The following ASTN2 variants were observed in gnomAD, a reference collection of about 807,000 sequenced individuals.
ASTN2 encodes the protein astrotactin-2.
Under a neutral mutation model 139.8 loss-of-function variants are expected in ASTN2, and 54 were observed. The ratio of observed to expected loss-of-function variants is 0.39; its 90% CI spans 0.31 to 0.48. The LOEUF (loss-of-function observed/expected upper bound fraction) is 0.48, where lower values mean the gene tolerates loss of function less well. ASTN2 is among the 20% of genes least tolerant of loss of function. ASTN2 has a pLI of 0.95. For synonymous variants in ASTN2, 756 were observed against 719.5 expected (o/e 1.05, Z -0.81); for missense variants, 1,565 against 1,725.1 (o/e 0.91, Z 1.64).
intron 4 of ASTN2, among the ~76,000 whole-genome samples, chr9:117,113,944 A>G (rs1829312951): frequency 6.6e-6 from 1 of 152,166 alleles, no homozygotes; most frequent in African/African-American, 2.4e-5. Context: ...CATCTTTCAA[A>G]ACTCATTGAA....
intron 1 of ASTN2, among the ~76,000 whole-genome samples, chr9:117,358,619 C>T (rs745574050): frequency 6.6e-5 from 10 of 152,126 alleles, no homozygotes; most frequent in African/African-American, 1.9e-4. Context: ...AGATGGAGTG[C>T]GGAAATTATC....
intron 2 of ASTN2, among the ~76,000 whole-genome samples, chr9:117,236,278 C>A (rs1034984486): frequency 6.6e-6 from 1 of 152,190 alleles, no homozygotes; most frequent in African/African-American, 2.4e-5. Context: ...TTCTGAGGTG[C>A]TGCATGAATC....
At chr9:116,687,359 T>C (rs1269327545) in intron 16 of ASTN2, 11 of 608,034 alleles carry the variant, frequency 1.8e-5, no homozygotes, top group Non-Finnish European at 2.2e-5. Context: ...GGCGGTGGAC[T>C]CGTCGGAGCC....
chr9:116,519,696 G>A (rs143353016), intron 19 of ASTN2, among the ~76,000 whole-genome samples: 79 of 150,956 alleles, frequency 5.2e-4, no homozygotes, highest in African/African-American at 8.5e-4. Context: ...AAGAAAATAC[G>A]AAAGATAAAT....
At chr9:116,862,754 CT>C (rs1356789031) in intron 11 of ASTN2, among the ~76,000 whole-genome samples, 5 of 151,464 alleles carry the variant, frequency 3.3e-5, no homozygotes, top group Non-Finnish European at 7.4e-5. Context: ...TGAGTTTAGC[CT>C]ATGTGGCAAT....
rs915554196 is a variant in ASTN2, at chr9:116,423,452, T to G, written c.*2399A>C. Among the ~76,000 whole-genome samples, 4 of 152,052 alleles carry G rather than the reference T, an allele frequency of 2.6e-5. No individual in the cohort carries two copies. In the East Asian group the frequency reaches 7.7e-4, roughly 29 times the overall value. The stretch of plus-strand genomic sequence containing the variant: ...CAGATCACCACACCAGCACATTGAG[T>G]GCTGTAATTTTCTGCAACTGTTGAG... On this transcript the variant is annotated 3_prime_UTR_variant, in exon 23 of 23. Transcript: ENST00000313400.
intron 5 of ASTN2, among the ~76,000 whole-genome samples, chr9:117,072,466 CTAGT>C (rs1286337310): frequency 6.6e-6 from 1 of 152,084 alleles, no homozygotes; most frequent in Admixed American, 6.5e-5. Context: ...CAGTCTGGCA[CTAGT>C]TAGAGCTGAG....
intron 5 of ASTN2, among the ~76,000 whole-genome samples, chr9:117,065,757 T>A (rs1468054933): frequency 6.6e-6 from 1 of 152,196 alleles, no homozygotes; most frequent in African/African-American, 2.4e-5. Flanking sequence ...TGCCTATCTA[T>A]CAACCTTTCC....
rs1286980140 is a variant in ASTN2 at position 116,805,772 on chromosome 9, C to A, written c.2256G>T (p.Met752Ile). 1.9e-6 allele frequency: 3 copies of A among 1,613,760 alleles called. No homozygotes were observed. The highest frequency in any genetic ancestry group is 2.5e-6 in the Non-Finnish European group (3 of 1,179,830). ...KLAPDGKSCL[M>I]LSDVCEGPKC... is the part of the protein sequence containing the mutation. ...TGGGGCCCTCGCAGACATCTGAGAGCATTAAGCAGGATTTTCCATCAGGAG... is the reference window on the plus strand; with the variant it reads ...TGGGGCCCTCGCAGACATCTGAGAGAATTAAGCAGGATTTTCCATCAGGAG... The change falls in exon 13 of 23, where the codon ATG becomes ATT. Residue 752 changes from methionine (M) to isoleucine (I), a missense_variant. Met to Ile is a conservative substitution (Grantham distance 10). Coordinates refer to ENST00000313400, the MANE Select transcript of ASTN2 (RefSeq NM_001365068.1).
intron 16 of ASTN2, chr9:116,687,294 C>T: frequency 8.1e-6 from 8 of 987,268 alleles, no homozygotes; most frequent in Non-Finnish European, 9.6e-6. Context: ...AATTGGCGCC[C>T]GGCAAGGGGT....
At chr9:117,351,711 T>C (rs1489360688) in intron 1 of ASTN2, among the ~76,000 whole-genome samples, 1 of 151,940 alleles carries the variant, frequency 6.6e-6, no homozygotes, top group African/African-American at 2.4e-5. Context: ...AAAGGTTTTG[T>C]TGTAATAAAG....
chr9:117,300,828 T>C (rs1458944155), intron 1 of ASTN2, among the ~76,000 whole-genome samples: 4 of 152,118 alleles, frequency 2.6e-5, no homozygotes, highest in Non-Finnish European at 4.4e-5. Flanking sequence ...AGAATGGTAC[T>C]CTTCAAATAG....
intron 6 of ASTN2, among the ~76,000 whole-genome samples, chr9:117,018,969 G>C (rs1326672440): frequency 1.3e-5 from 2 of 152,076 alleles, no homozygotes; most frequent in African/African-American, 4.8e-5. Context: ...TTAGAATGCA[G>C]GCTACCTGAC....
At chr9:116,483,469 G>A (rs1228389154) in intron 20 of ASTN2, among the ~76,000 whole-genome samples, 2 of 151,976 alleles carry the variant, frequency 1.3e-5, no homozygotes, top group African/African-American at 2.4e-5. Context: ...GGTTGGAGTG[G>A]GGTCAGAGAG....
chr9:116,717,289 G>A lies in ASTN2; in HGVS notation c.2806+8482C>T, dbSNP rs1828337804. 4.2e-5 allele frequency among the ~76,000 whole-genome samples: 3 copies of A among 72,034 alleles called. No homozygotes were observed. The South Asian group carries it at 1.7e-3, about 41-fold the overall frequency. 47.3% of individuals were successfully genotyped at this position (72,034 alleles called of 152,430 possible). On this transcript the variant is annotated intron_variant, in intron 16 of 22. Coordinates refer to ENST00000313400, the MANE Select transcript of ASTN2 (RefSeq NM_001365068.1). ...TCCAGATGGACTCAATCTAAACCGG[G>A]GAACAAATGCTTTTTTTTGGTAATT...
At chr9:117,137,178 C>T (rs1829971918) in intron 4 of ASTN2, among the ~76,000 whole-genome samples, 1 of 152,200 alleles carries the variant, frequency 6.6e-6, no homozygotes, top group South Asian at 2.1e-4. Context: ...TATCCTTCCT[C>T]TGTCTGGCTA....
At chr9:117,131,833 G>A (rs1829834555) in intron 4 of ASTN2, among the ~76,000 whole-genome samples, 1 of 152,148 alleles carries the variant, frequency 6.6e-6, no homozygotes, top group African/African-American at 2.4e-5. Context: ...TTCAGTCTCT[G>A]TAAAATGTGT....
intron 6 of ASTN2, among the ~76,000 whole-genome samples, chr9:117,021,995 C>T (rs1837898508): frequency 6.6e-6 from 1 of 152,110 alleles, no homozygotes; most frequent in South Asian, 2.1e-4. Context: ...AACCAAGACT[C>T]CTGCTTGAAC....
Position 116,733,461 on chromosome 9 carries a change from G to A in ASTN2, c.2459C>T (p.Pro820Leu), listed in dbSNP as rs1357314215. 9.9e-6 allele frequency: 16 copies of A among 1,614,040 alleles called. No individual in the cohort carries two copies. The highest frequency in any genetic ancestry group is 1.6e-4 in the Middle Eastern group (1 of 6,084). Residue 820 changes from proline to leucine, a missense_variant, in exon 14 of 23, where the codon CCG (proline) becomes CTG (leucine). Around this residue, in one of 4 missense-constraint regions of ASTN2, gnomAD observed 503 missense variants for 591.7 expected, o/e 0.85. Coordinates refer to ENST00000313400, the MANE Select transcript of ASTN2 (RefSeq NM_001365068.1). The part of the protein sequence containing the change: ...LADGLLVIPL[P>L]VEEQCRGVLS... ...GACCCCCCGGCACTGCTCCTCCACC[G>A]GCAGCGGGATCACCAACAGCCCATC...
Sources: gnomAD v4.1 joint callset for allele counts (sites outside exome capture counted in the v4.1 genomes callset) on GRCh38, gnomAD v4.1.1 for gene constraint, gnomAD v4.1.1 regional missense constraint, MANE v1.5 for transcripts, NCBI Gene and HGNC (gene_info 2026-07-23, HGNC 2026-07-21) for gene names.